Variants in AHI1 observed in about 807,000 individuals in gnomAD.
AHI1 encodes the protein jouberin.
AHI1 carries 123 observed loss-of-function variants against 149.3 expected under a neutral mutation model. The ratio of observed to expected loss-of-function variants is 0.82; its 90% CI spans 0.71 to 0.96. The LOEUF (loss-of-function observed/expected upper bound fraction) is 0.96, where lower values mean the gene tolerates loss of function less well. AHI1 is among the 40% of genes least tolerant of loss of function. The probability of loss-of-function intolerance (pLI) is 0.00; values close to 1 mark genes in which losing one functional copy is unlikely to be tolerated. For synonymous variants in AHI1, 475 were observed against 459.8 expected (o/e 1.03, Z -0.42); for missense variants, 1,439 against 1,422.7 (o/e 1.01, Z -0.18).
At chr6:135,290,048 G>A (rs954678965) in intron 28 of AHI1, among the ~76,000 whole-genome samples, 4 of 152,026 alleles carry the variant, frequency 2.6e-5, no homozygotes, top group Non-Finnish European at 5.9e-5. Context: ...TCCTTCTCAA[G>A]TGGCTCTTTC....
At position 135,438,279 on chromosome 6, in the gene AHI1, C is replaced by T. The variant is rs11965621; in HGVS notation, c.2036+96G>A. 0.013 allele frequency: 15,411 copies of T among 1,165,070 alleles called. 975 individuals are homozygous for T. In the African/African-American group the frequency reaches 0.17, roughly 13 times the overall value. 72.2% of individuals were successfully genotyped at this position (1,165,070 alleles called of 1,614,324 possible). On this transcript the variant is annotated intron_variant, in intron 15 of 28. Coordinates refer to ENST00000265602, the MANE Select transcript of AHI1 (RefSeq NM_001134831.2). ...ATGACAGTCCCTTCTTGGGAAAATA[C>T]GACTGGAGCATAAGAGTAGTTACAT...
chr6:135,299,797 T>C (rs1783621235), intron 27 of AHI1, among the ~76,000 whole-genome samples: 1 of 152,180 alleles, frequency 6.6e-6, no homozygotes, highest in Non-Finnish European at 1.5e-5. Context: ...ATAGAAAATA[T>C]ATAATGACAA....
chr6:135,377,605 C>T (rs757019028), intron 23 of AHI1, among the ~76,000 whole-genome samples: 6 of 151,918 alleles, frequency 3.9e-5, no homozygotes, highest in African/African-American at 9.7e-5. Flanking sequence ...CTCAGCCACC[C>T]GAGTAGTGGG....
In AHI1 at chr6:135,299,363, C is replaced by T. The variant is rs533169973; in HGVS notation, c.3485+1137G>A. ...AAGAGACATATTATTCTTCAAATTG[C>T]CAAAGCATATAGCAGGGTTAACTTG... On this transcript the variant is annotated intron_variant, in intron 27 of 28. Coordinates refer to ENST00000265602, the MANE Select transcript of AHI1 (RefSeq NM_001134831.2). 2.6e-5 allele frequency among the ~76,000 whole-genome samples: 4 copies of T among 152,228 alleles called. No homozygotes were observed. In the South Asian group the frequency reaches 8.3e-4, roughly 32 times the overall value.
Position 135,285,309 on chromosome 6 carries a change from T to G in AHI1, c.*336A>C, listed in dbSNP as rs1781556209. 3 of 375,212 alleles carry G rather than the reference T, an allele frequency of 8.0e-6. No individual in the cohort carries two copies. 23.2% of individuals were successfully genotyped at this position (375,212 alleles called of 1,614,324 possible). ...AGACATCCTAATAACGCAAACACCT[T>G]TTATTCACATTTGCTGAGTAGCAAT... On this transcript the variant is annotated 3_prime_UTR_variant, in exon 29 of 29. Transcript: ENST00000265602.
At chr6:135,353,857 C>A (rs1227067924) in intron 24 of AHI1, among the ~76,000 whole-genome samples, 2 of 152,034 alleles carry the variant, frequency 1.3e-5, no homozygotes, top group Non-Finnish European at 2.9e-5. Flanking sequence ...GACAAAAATT[C>A]ATTCAGCCCT....
chr6:135,333,847 A>C (rs1266350779), intron 24 of AHI1, among the ~76,000 whole-genome samples: 1 of 152,212 alleles, frequency 6.6e-6, no homozygotes, highest in Non-Finnish European at 1.5e-5. Context: ...CCAGCTTTAA[A>C]ATTTTACCAA....
At chr6:135,390,380 A>C (rs969220057) in intron 23 of AHI1, among the ~76,000 whole-genome samples, 11 of 152,168 alleles carry the variant, frequency 7.2e-5, no homozygotes, top group African/African-American at 2.4e-4. Context: ...AGTCTCAAAA[A>C]CCACACCTTT....
At chr6:135,430,867 A>G (rs1306573120) in intron 17 of AHI1, among the ~76,000 whole-genome samples, 2 of 152,018 alleles carry the variant, frequency 1.3e-5, no homozygotes, top group Admixed American at 6.6e-5. Flanking sequence ...CCAAGGAAAA[A>G]GGATATAATA....
chr6:135,354,404 G>A (rs1176090855), intron 24 of AHI1, among the ~76,000 whole-genome samples: 2 of 152,110 alleles, frequency 1.3e-5, no homozygotes, highest in Non-Finnish European at 2.9e-5. Flanking sequence ...TATTTTACAT[G>A]TATATTAATT....
chr6:135,415,573 A>G (rs992611507), intron 20 of AHI1, among the ~76,000 whole-genome samples: 10 of 152,226 alleles, frequency 6.6e-5, no homozygotes, highest in African/African-American at 1.7e-4. Context: ...GTTAAACGGC[A>G]CAATCACTTT....
intron 26 of AHI1, among the ~76,000 whole-genome samples, chr6:135,313,203 T>G (rs1785456459): frequency 6.6e-6 from 1 of 152,218 alleles, no homozygotes. Context: ...ATAGATCATT[T>G]GTTATACCTT....
At chr6:135,462,627 A>G (rs1790087559) in intron 8 of AHI1, among the ~76,000 whole-genome samples, 1 of 152,194 alleles carries the variant, frequency 6.6e-6, no homozygotes. Flanking sequence ...AAGGTCAGGC[A>G]TGGTGGCTCA....
chr6:135,402,059 T>C (rs1440547918), intron 22 of AHI1, among the ~76,000 whole-genome samples: 1 of 151,976 alleles, frequency 6.6e-6, no homozygotes, highest in Non-Finnish European at 1.5e-5. Flanking sequence ...AAAGTACAAA[T>C]GGCATATAAA....
intron 5 of AHI1, among the ~76,000 whole-genome samples, chr6:135,471,283 TTTA>T (rs1412693460): frequency 1.3e-5 from 2 of 152,216 alleles, no homozygotes; most frequent in South Asian, 2.1e-4. Flanking sequence ...ATTTTATGAC[TTTA>T]TTATTAATTT....
chr6:135,358,872 A>C (rs2128437954), intron 23 of AHI1, among the ~76,000 whole-genome samples: 1 of 152,370 alleles, frequency 6.6e-6, no homozygotes, highest in East Asian at 1.9e-4. Context: ...ACTGGTTCAA[A>C]GTCTAACTCA....
At chr6:135,423,405 T>A (rs1352325674) in intron 20 of AHI1, among the ~76,000 whole-genome samples, 1 of 152,164 alleles carries the variant, frequency 6.6e-6, no homozygotes, top group East Asian at 1.9e-4. Context: ...CACACGCTTC[T>A]AGGCAGTGAG....
At chr6:135,443,841 A>G (rs1269512249) in intron 13 of AHI1, among the ~76,000 whole-genome samples, 1 of 152,152 alleles carries the variant, frequency 6.6e-6, no homozygotes, top group African/African-American at 2.4e-5. Flanking sequence ...CTCCAACCAC[A>G]TAATTAAGAA....
intron 11 of AHI1, among the ~76,000 whole-genome samples, chr6:135,449,400 C>T (rs1316210620): frequency 6.6e-6 from 1 of 152,116 alleles, no homozygotes; most frequent in Non-Finnish European, 1.5e-5. Flanking sequence ...ACTCAGAATA[C>T]GTTCTCTTTC....
Sources: allele counts gnomAD v4.1 joint callset (sites outside exome capture counted in the v4.1 genomes callset), GRCh38; gene constraint gnomAD v4.1.1; transcripts MANE v1.5; gene names NCBI Gene and HGNC (gene_info 2026-07-23, HGNC 2026-07-21).